The following SYT14 variants were observed in gnomAD, a reference collection of about 807,000 sequenced individuals.
The protein encoded by SYT14 is synaptotagmin 14.
SYT14 carries 32 observed loss-of-function variants against 74.2 expected under a neutral mutation model. The observed-to-expected ratio is 0.43, with a 90% CI of 0.33 to 0.58. The LOEUF is 0.58. Ranked by LOEUF, SYT14 falls within the 20% of genes least tolerant of loss-of-function variation. SYT14 has a pLI of 0.05. For missense variants in SYT14, 791 were observed against 981.8 expected (o/e 0.81, Z 2.60); for synonymous variants, 298 against 337.7 (o/e 0.88, Z 1.29).
At chr1:209,999,722 G>A (rs11811996) in intron 2 of SYT14, among the ~76,000 whole-genome samples, 21,258 of 152,132 alleles carry the variant, frequency 0.14, 4,631 homozygotes, top group African/African-American at 0.47. Flanking sequence ...GAGGTAGAGA[G>A]TAGAATAGTA....
At position 210,001,568 on chromosome 1, in the gene SYT14, C is replaced by T. The variant is rs1225814478; in HGVS notation, c.-485-12065C>T. ...CTGGCTTCCTGCCTTTTGAAGCGTA[C>T]ATGCTAGTATGGGAAGACAGATAAC... On this transcript the variant is annotated intron_variant, in intron 2 of 9. Coordinates refer to ENST00000637265, the Ensembl canonical transcript of SYT14. Among the ~76,000 whole-genome samples, 7 of 152,050 alleles carry T rather than the reference C, an allele frequency of 4.6e-5. No individual in the cohort carries two copies. The South Asian group carries it at 8.3e-4, about 18-fold the overall frequency.
chr1:210,070,618 G>A (rs766467584), intron 5 of SYT14, among the ~76,000 whole-genome samples: 2 of 152,064 alleles, frequency 1.3e-5, no homozygotes, highest in South Asian at 2.1e-4. Flanking sequence ...TTAGTAACTT[G>A]CATAATGCCT....
intron 2 of SYT14, among the ~76,000 whole-genome samples, chr1:209,955,162 G>C (rs1380640808): frequency 6.6e-6 from 1 of 152,038 alleles, no homozygotes; most frequent in African/African-American, 2.4e-5. Context: ...ATCTAGTTCT[G>C]TTGTTTTAAA....
rs71146203 is a variant in SYT14, at chr1:210,000,613, C to CTTTTTTTTTTTTTTTT, written c.-485-13016_-485-13001dup. ...TTTCATTAGGGCTGTTTTATGCCTT[C>CTTTTTTTTTTTTTTTT]TTTTTTTTTTTTTTTTTTTGAGATA... On this transcript the variant is annotated intron_variant, in intron 2 of 9. Coordinates refer to ENST00000637265, the Ensembl canonical transcript of SYT14. 4.9e-4 allele frequency among the ~76,000 whole-genome samples: 52 copies of CTTTTTTTTTTTTTTTT among 105,422 alleles called. 4 individuals carry two copies. Among genetic ancestry groups the CTTTTTTTTTTTTTTTT allele is most frequent in the African/African-American group, 1.9e-3 (50 of 26,524 alleles). The allele number at this position is 105,422 out of a possible 152,430, so 69.2% of individuals were successfully genotyped here. A position where few individuals can be genotyped will look rare whatever the true frequency, so the allele number is the denominator to read the frequency against.
intron 5 of SYT14, among the ~76,000 whole-genome samples, chr1:210,084,184 AC>A (rs1175881399): frequency 2.6e-5 from 4 of 152,310 alleles, no homozygotes; most frequent in Admixed American, 2.6e-4. Flanking sequence ...GGAGAGACTT[AC>A]CTTGCTCTGC....
intron 2 of SYT14, among the ~76,000 whole-genome samples, chr1:209,978,773 C>T (rs941325226): frequency 2.6e-5 from 4 of 152,218 alleles, no homozygotes; most frequent in African/African-American, 4.8e-5. Context: ...ATTTTGCTGC[C>T]TTTTGTTTGG....
chr1:210,030,294 ACCATGC>A (rs899963475), intron 5 of SYT14, among the ~76,000 whole-genome samples: 5 of 151,996 alleles, frequency 3.3e-5, no homozygotes, highest in South Asian at 2.1e-4. Flanking sequence ...GTTTCCTGCC[ACCATGC>A]CCATGCCCAT....
chr1:210,059,529 C>G (rs1052256674), intron 5 of SYT14, among the ~76,000 whole-genome samples: 1 of 143,272 alleles, frequency 7.0e-6, no homozygotes, highest in African/African-American at 2.7e-5. Context: ...AAAATAATGG[C>G]AACTGAAATA....
At chr1:209,946,069 G>A (rs543258117) in intron 1 of SYT14, among the ~76,000 whole-genome samples, 2 of 152,252 alleles carry the variant, frequency 1.3e-5, no homozygotes, top group South Asian at 4.1e-4. Context: ...TGGGCGCTAC[G>A]AGCCATGCCA....
intron 2 of SYT14, among the ~76,000 whole-genome samples, chr1:209,991,751 A>T (rs2079690503): frequency 6.6e-6 from 1 of 151,732 alleles, no homozygotes; most frequent in Admixed American, 6.6e-5. Context: ...AATCGCTTGA[A>T]CCTAGGAGGC....
At chr1:210,162,050 TTC>T (rs1029503812) in exon 10 of SYT14, 27 of 446,752 alleles carry the variant, frequency 6.0e-5, no homozygotes, top group Admixed American at 3.1e-4. Context: ...TAAGAAACTG[TTC>T]TCTCTCTAAA....
At chr1:210,117,232 A>T (rs945060097) in intron 7 of SYT14, among the ~76,000 whole-genome samples, 1 of 152,068 alleles carries the variant, frequency 6.6e-6, no homozygotes, top group African/African-American at 2.4e-5. Flanking sequence ...AAATCACTTC[A>T]GTTTGATGTT....
intron 2 of SYT14, among the ~76,000 whole-genome samples, chr1:209,994,048 A>C (rs2079742406): frequency 6.6e-6 from 1 of 152,162 alleles, no homozygotes; most frequent in South Asian, 2.1e-4. Context: ...CAACCCTCCA[A>C]GATGAGAGTC....
At chr1:210,021,617 G>A (rs114100073) in intron 5 of SYT14, among the ~76,000 whole-genome samples, 38 of 152,250 alleles carry the variant, frequency 2.5e-4, no homozygotes, top group African/African-American at 8.2e-4. Flanking sequence ...AGTCTCTCAC[G>A]GTGTTGAATA....
intron 7 of SYT14, among the ~76,000 whole-genome samples, chr1:210,123,421 A>G (rs1372950879): frequency 6.6e-6 from 1 of 152,204 alleles, no homozygotes; most frequent in African/African-American, 2.4e-5. Flanking sequence ...ACACCCATGA[A>G]TACTACCAGG....
chr1:210,119,767 T>G (rs1201481413), intron 7 of SYT14, among the ~76,000 whole-genome samples: 2 of 152,162 alleles, frequency 1.3e-5, no homozygotes, highest in African/African-American at 2.4e-5. Context: ...CATTTTTAGG[T>G]GTTGATTATG....
chr1:210,064,977 A>C (rs1314470383), intron 5 of SYT14, among the ~76,000 whole-genome samples: 1 of 152,022 alleles, frequency 6.6e-6, no homozygotes, highest in Non-Finnish European at 1.5e-5. Flanking sequence ...AGTGGGTATA[A>C]ACTAGTATCT....
At chr1:210,063,670 C>T (rs931793237) in intron 5 of SYT14, among the ~76,000 whole-genome samples, 1 of 151,682 alleles carries the variant, frequency 6.6e-6, no homozygotes. Flanking sequence ...ATCATTTCTA[C>T]GTTGTATTCT....
exon 5 of SYT14, chr1:210,021,244 A>G (rs1222173492): frequency 6.2e-7 from 1 of 1,613,762 alleles, no homozygotes; most frequent in Non-Finnish European, 8.5e-7. Flanking sequence ...GTGAAGCATC[A>G]ATAGATGAAG....
Sources: gnomAD v4.1 joint callset for allele counts (sites outside exome capture counted in the v4.1 genomes callset) on GRCh38, gnomAD v4.1.1 for gene constraint, MANE v1.5 for transcripts, NCBI Gene and HGNC (gene_info 2026-07-23, HGNC 2026-07-21) for gene names.